The following ZRANB3 variants were observed in gnomAD, a reference collection of about 807,000 sequenced individuals.
ZRANB3 encodes the protein DNA annealing helicase and endonuclease ZRANB3.
ZRANB3 carries 125 observed loss-of-function variants against 133.8 expected under a neutral mutation model. The ratio of observed to expected loss-of-function variants is 0.93; its 90% CI spans 0.81 to 1.08. The LOEUF (loss-of-function observed/expected upper bound fraction) is 1.08, where lower values mean the gene tolerates loss of function less well. Among genes scored for constraint, ZRANB3 ranks in the 50% least tolerant of loss-of-function variants. The pLI is 0.00. For synonymous variants in ZRANB3, 387 were observed against 432.7 expected, an observed-to-expected ratio of 0.89 and a Z score of 1.31; for missense variants, 1,229 against 1,275.5, an observed-to-expected ratio of 0.96 and a Z score of 0.56.
chr2:135,517,510 TC>T (rs1207437050), intron 1 of ZRANB3, among the ~76,000 whole-genome samples: 1 of 152,206 alleles, frequency 6.6e-6, no homozygotes, highest in Non-Finnish European at 1.5e-5. Context: ...ATGTTAGTTT[TC>T]CTTCTAACAG....
chr2:135,415,843 C>A (rs1265638199), intron 2 of ZRANB3, among the ~76,000 whole-genome samples: 1 of 152,042 alleles, frequency 6.6e-6, no homozygotes, highest in Non-Finnish European at 1.5e-5. Flanking sequence ...ATAAACAGAA[C>A]CAAAGACAAA....
intron 12 of ZRANB3, among the ~76,000 whole-genome samples, chr2:135,234,155 T>G (rs1415737736): frequency 6.6e-6 from 1 of 152,060 alleles, no homozygotes; most frequent in African/African-American, 2.4e-5. Flanking sequence ...TAGTCTCGGA[T>G]AAAACAGACT....
chr2:135,366,070 T>C (rs1303770523), intron 3 of ZRANB3, among the ~76,000 whole-genome samples: 1 of 152,214 alleles, frequency 6.6e-6, no homozygotes, highest in African/African-American at 2.4e-5. Flanking sequence ...TGCAGGTTAT[T>C]AGGATGCTTT....
rs372430327 is a variant in ZRANB3, at chr2:135,350,143, A to C, written c.432T>G (p.Asp144Glu). ...LLTADAKTLI[D>E]ALNNQNFKVV... ...CTTTGAAGTTCTGATTATTCAGTGCATCTATCAAAGTCTTTGCATCTGCGG... is the reference window on the plus strand; with the variant it reads ...CTTTGAAGTTCTGATTATTCAGTGCCTCTATCAAAGTCTTTGCATCTGCGG... Residue 144 changes from aspartate to glutamate, a missense_variant, in exon 5 of 21, where the codon GAT becomes GAG. Physicochemically the swap from Asp to Glu is conservative, Grantham distance 45. Transcript: ENST00000264159. The C allele has an allele frequency of 5.6e-6, 9 of 1,613,208 alleles. No individual in the cohort carries two copies. Among genetic ancestry groups the C allele is most frequent in the Non-Finnish European group, 7.6e-6 (9 of 1,179,644 alleles).
chr2:135,340,188 C>T (rs1315965386), intron 6 of ZRANB3, among the ~76,000 whole-genome samples: 3 of 151,446 alleles, frequency 2.0e-5, no homozygotes, highest in Admixed American at 6.6e-5. Context: ...TCACTACAAC[C>T]TCCGCCTCCT....
intron 12 of ZRANB3, among the ~76,000 whole-genome samples, chr2:135,236,461 A>G (rs1358295377): frequency 6.6e-6 from 1 of 152,156 alleles, no homozygotes; most frequent in East Asian, 1.9e-4. Flanking sequence ...ATGGAACCAA[A>G]AAAGAACCCA....
intron 1 of ZRANB3, among the ~76,000 whole-genome samples, chr2:135,525,848 C>CA (rs557386914): frequency 0.19 from 12,302 of 66,460 alleles, 846 homozygotes; most frequent in South Asian, 0.36. Context: ...AACTCTGTCT[C>CA]AAAAAAAAAA....
intron 6 of ZRANB3, chr2:135,345,215 T>C (rs1684859331): frequency 5.6e-6 from 1 of 177,668 alleles, no homozygotes; most frequent in Non-Finnish European, 1.2e-5. Flanking sequence ...ACCACAAATT[T>C]GTAAAACACT....
chr2:135,268,511 C>T (rs1680355706), intron 11 of ZRANB3, among the ~76,000 whole-genome samples: 1 of 152,116 alleles, frequency 6.6e-6, no homozygotes, highest in South Asian at 2.1e-4. Flanking sequence ...TAAACATTGT[C>T]AAGACTGAGG....
At chr2:135,460,172 C>T (rs1690700876) in intron 2 of ZRANB3, among the ~76,000 whole-genome samples, 1 of 152,102 alleles carries the variant, frequency 6.6e-6, no homozygotes, top group African/African-American at 2.4e-5. Flanking sequence ...TGTTTTACAC[C>T]TGTAGCTGCA....
At chr2:135,273,619 T>C (rs1680644201) in intron 9 of ZRANB3, among the ~76,000 whole-genome samples, 1 of 151,958 alleles carries the variant, frequency 6.6e-6, no homozygotes, top group African/African-American at 2.4e-5. Flanking sequence ...CACTGCAACC[T>C]CTGCCTCCTC....
At chr2:135,212,758 C>A (rs1399318575) in intron 17 of ZRANB3, among the ~76,000 whole-genome samples, 1 of 152,090 alleles carries the variant, frequency 6.6e-6, no homozygotes, top group East Asian at 1.9e-4. Context: ...TGGAAGATGG[C>A]AATTTTTGCA....
chr2:135,223,043 A>T (rs1694616393), intron 15 of ZRANB3, among the ~76,000 whole-genome samples: 1 of 152,004 alleles, frequency 6.6e-6, no homozygotes, highest in African/African-American at 2.4e-5. Flanking sequence ...CACAAGGTCA[A>T]GAGGTCGAGA....
At chr2:135,306,554 A>C (rs1682712726) in intron 8 of ZRANB3, among the ~76,000 whole-genome samples, 1 of 148,468 alleles carries the variant, frequency 6.7e-6, no homozygotes, top group East Asian at 2.0e-4. Context: ...GGCCTCCCAA[A>C]GTGCTGGGAT....
chr2:135,350,062 C>G lies in ZRANB3; in HGVS notation c.513G>C (p.Arg171Ser). The G allele has an allele frequency of 6.2e-7, 1 of 1,613,702 alleles. No individual in the cohort carries two copies. The highest frequency in any genetic ancestry group is 8.5e-7 in the Non-Finnish European group (1 of 1,179,824). ...YMKSRNATRS[R>S]ILLPIVQKAR... ...CTTTCTGTACTATTGGCAATAAAAT[C>G]CTGCTGCGAGTTGCATTTCTGGATT... The change falls in exon 5 of 21, where the codon AGG becomes AGC. Residue 171 changes from arginine to serine, a missense_variant. Coordinates refer to ENST00000264159, the MANE Select transcript of ZRANB3 (RefSeq NM_032143.4).
At chr2:135,273,580 G>C (rs868693403) in intron 9 of ZRANB3, among the ~76,000 whole-genome samples, 4 of 151,636 alleles carry the variant, frequency 2.6e-5, no homozygotes, top group African/African-American at 7.3e-5. Context: ...TTATTGCCTA[G>C]GCTGGAGTGC....
intron 2 of ZRANB3, among the ~76,000 whole-genome samples, chr2:135,455,113 CT>C (rs895690967): frequency 2.3e-4 from 35 of 150,188 alleles, no homozygotes; most frequent in South Asian, 8.4e-4. Context: ...TGTCAATGAC[CT>C]GCTCAAACTC....
intron 2 of ZRANB3, among the ~76,000 whole-genome samples, chr2:135,449,882 T>C (rs749557799): frequency 7.9e-5 from 12 of 152,150 alleles, no homozygotes. Flanking sequence ...TGCAGCCTCC[T>C]GAGTACCTGG....
At chr2:135,419,294 A>T (rs116405457) in intron 2 of ZRANB3, among the ~76,000 whole-genome samples, 12 of 151,902 alleles carry the variant, frequency 7.9e-5, no homozygotes, top group African/African-American at 2.9e-4. Context: ...TGATGTTACA[A>T]TACTATTTTG....
Sources: allele counts gnomAD v4.1 joint callset (sites outside exome capture counted in the v4.1 genomes callset), GRCh38; gene constraint gnomAD v4.1.1; transcripts MANE v1.5; gene names NCBI Gene and HGNC (gene_info 2026-07-23, HGNC 2026-07-21).